WDR33: variants seen among roughly 807,000 people sequenced by gnomAD.
WDR33 encodes the protein pre-mRNA 3' end processing protein WDR33.
Under a neutral mutation model 164.9 loss-of-function variants are expected in WDR33, and 47 were observed. The observed-to-expected ratio is 0.29, with a 90% CI of 0.23 to 0.36. WDR33 has a LOEUF of 0.36. WDR33 is among the 10% of genes least tolerant of loss of function. The probability of loss-of-function intolerance (pLI) is 1.00; values close to 1 mark genes in which losing one functional copy is unlikely to be tolerated. For synonymous variants in WDR33, 505 were observed against 589.0 expected, an observed-to-expected ratio of 0.86 and a Z score of 2.06; for missense variants, 1,137 against 1,754.1, an observed-to-expected ratio of 0.65 and a Z score of 6.28.
intron 7 of WDR33, among the ~76,000 whole-genome samples, chr2:127,748,884 TAAAAAA>T (rs59425653): frequency 5.2e-4 from 55 of 104,988 alleles, no homozygotes; most frequent in Middle Eastern, 5.4e-3. Context: ...AGCTGAAACT[TAAAAAA>T]AAAAAAAAAA....
chr2:127,798,885 T>C (rs1360116199), intron 1 of WDR33: 1 of 152,002 alleles, frequency 6.6e-6, no homozygotes, highest in African/African-American at 2.4e-5. Context: ...CTAAAGCTTA[T>C]AGCTTTCTTT....
At chr2:127,768,477 AG>A (rs1687891151) in intron 3 of WDR33, among the ~76,000 whole-genome samples, 184 bp from the exon 4 acceptor site, 1 of 152,222 alleles carries the variant, frequency 6.6e-6, no homozygotes, top group South Asian at 2.1e-4. Flanking sequence ...AGTGAGATAC[AG>A]GAAAGTTAAA....
intron 7 of WDR33, among the ~76,000 whole-genome samples, chr2:127,760,231 A>G (rs563103109): frequency 7.4e-4 from 112 of 152,334 alleles, no homozygotes; most frequent in African/African-American, 1.9e-3. Flanking sequence ...TGACTGTATG[A>G]TCACAAACTC....
rs1687011647 is a variant in WDR33 at position 127,741,406 on chromosome 2, G to A, written c.725-14629C>T. On this transcript the variant is annotated intron_variant, in intron 7 of 21. Transcript: ENST00000322313. The surrounding 1 kb of genome is among the most constrained non-coding windows in gnomAD (Gnocchi z 4.1). ...ATAAACTTAAGCACTCCACCTCAGAGTACAAACCACAACCCACTTACTTGA... is the reference window on the plus strand; with the variant it reads ...ATAAACTTAAGCACTCCACCTCAGAATACAAACCACAACCCACTTACTTGA... Among the ~76,000 whole-genome samples, 3 of 152,168 alleles carry A rather than the reference G, an allele frequency of 2.0e-5. No homozygotes were observed. The highest frequency in any genetic ancestry group is 2.9e-5 in the Non-Finnish European group (2 of 68,028).
At chr2:127,790,610 AATTTT>A (rs1199203533) in intron 1 of WDR33, among the ~76,000 whole-genome samples, 2 of 152,128 alleles carry the variant, frequency 1.3e-5, no homozygotes, top group East Asian at 1.9e-4. Flanking sequence ...CTATGAATTC[AATTTT>A]ATTTTATTTT....
intron 1 of WDR33, among the ~76,000 whole-genome samples, chr2:127,788,239 CA>C (rs1425969408): frequency 2.5e-5 from 3 of 122,372 alleles, no homozygotes; most frequent in African/African-American, 6.6e-5. Flanking sequence ...GCTGGCCAGG[CA>C]GGGGGCTGAC....
In WDR33 at chr2:127,735,005, C is replaced by A. The variant is rs1262762679; in HGVS notation, c.725-8228G>T. Among the ~76,000 whole-genome samples the A allele has an allele frequency of 1.3e-5, 2 of 152,074 alleles. No homozygotes were observed. ...AGACTCCTTAATAAACCTTAAAATT[C>A]TAAGAATAACATGATAAATGGATTA... On this transcript the variant is annotated intron_variant, in intron 7 of 21. Transcript: ENST00000322313. This position sits in a 1 kb window ranked among gnomAD's most constrained non-coding sequence, Gnocchi z 4.3.
At chr2:127,739,021 A>C (rs1046332968) in intron 7 of WDR33, among the ~76,000 whole-genome samples, 1 of 152,236 alleles carries the variant, frequency 6.6e-6, no homozygotes, top group African/African-American at 2.4e-5. Flanking sequence ...CCTCAGAAAA[A>C]AGATCTTACC....
chr2:127,808,550 T>C (rs948854760), intron 1 of WDR33, among the ~76,000 whole-genome samples: 1 of 152,214 alleles, frequency 6.6e-6, no homozygotes, highest in Non-Finnish European at 1.5e-5. Context: ...AGCTTCAGTC[T>C]CTAGGACTAA....
At position 127,763,939 on chromosome 2, in the gene WDR33, G is replaced by A; in HGVS notation, c.627-780C>T. On this transcript the variant is annotated intron_variant, in intron 6 of 21. Coordinates refer to ENST00000322313, the MANE Select transcript of WDR33 (RefSeq NM_018383.5). The surrounding 1 kb of genome is among the most constrained non-coding windows in gnomAD (Gnocchi z 4.5). ...GGCAAAATCTACAAAGCAGAAGCAT[G>A]TTCATCCAACAATTTCTGTTAAGAT... 3.0e-6 allele frequency: 3 copies of A among 985,792 alleles called. No homozygotes were observed. The highest frequency in any genetic ancestry group is 3.6e-6 in the Non-Finnish European group (3 of 830,244). The allele number at this position is 985,792 out of a possible 1,614,324, so 61.1% of individuals were successfully genotyped here. A position where few individuals can be genotyped will look rare whatever the true frequency, so the allele number is the denominator to read the frequency against.
chr2:127,717,371 T>C lies in WDR33; in HGVS notation c.2761-108A>G. On this transcript the variant is annotated intron_variant, in intron 16 of 21. Transcript: ENST00000322313. The surrounding 1 kb of genome is among the most constrained non-coding windows in gnomAD (Gnocchi z 5.6). ...TAAAAATACCCAGTAAATATTTACCTAGTAAGATTACAGTAACATTGTCCT... is the reference window on the plus strand; with the variant it reads ...TAAAAATACCCAGTAAATATTTACCCAGTAAGATTACAGTAACATTGTCCT... The C allele has an allele frequency of 1.2e-6, 1 of 866,694 alleles. No individual in the cohort carries two copies. Among genetic ancestry groups the C allele is most frequent in the African/African-American group, 1.8e-5 (1 of 56,526 alleles). The allele number at this position is 866,694 out of a possible 1,614,324, so 53.7% of individuals were successfully genotyped here. A position where few individuals can be genotyped will look rare whatever the true frequency, so the allele number is the denominator to read the frequency against.
Position 127,719,433 on chromosome 2 carries a change from C to A in WDR33, c.2592G>T (p.Pro864=). 6.4e-7 allele frequency: 1 copy of A among 1,562,136 alleles called. No homozygotes were observed. ...GPPGSQSQQG[P]PQGSLGPPPQ... ...GTGGAGGTCCTAAAGAGCCCTGGGG[C>A]GGCCCCTGCTGACTTTGTGAGCCTG... The change falls in exon 16 of 22, where the codon CCG becomes CCT. Residue 864 remains proline, a synonymous_variant. Coordinates refer to ENST00000322313, the MANE Select transcript of WDR33 (RefSeq NM_018383.5). The surrounding 1 kb of genome is among the most constrained non-coding windows in gnomAD (Gnocchi z 6.5).
chr2:127,775,565 C>T (rs572114220), intron 1 of WDR33, among the ~76,000 whole-genome samples: 1 of 152,200 alleles, frequency 6.6e-6, no homozygotes, highest in South Asian at 2.1e-4. Flanking sequence ...GTGGAGAGTA[C>T]CTGGATACAA....
chr2:127,768,243 T>C lies in WDR33; in HGVS notation c.324A>G (p.Thr108=). The C allele has an allele frequency of 1.3e-6, 2 of 1,583,022 alleles. No individual in the cohort carries two copies. The highest frequency in any genetic ancestry group is 1.7e-6 in the Non-Finnish European group (2 of 1,161,960). Residue 108 remains threonine, a synonymous_variant, in exon 4 of 22, where the codon ACA becomes ACG. Coordinates refer to ENST00000322313, the MANE Select transcript of WDR33 (RefSeq NM_018383.5). ...MLNNPMNAVT[T]KFVRTSTNKV... ...TATTTGTTGATGTCCGAACAAATTT[T>C]GTTGTTACTGCATTCATAGGATTAT...
At chr2:127,804,013 TAA>T (rs1689346448) in intron 1 of WDR33, among the ~76,000 whole-genome samples, 1 of 149,362 alleles carries the variant, frequency 6.7e-6, no homozygotes, top group Admixed American at 6.7e-5. Flanking sequence ...GCTTAAAGAC[TAA>T]AGAGATACGA....
intron 1 of WDR33, among the ~76,000 whole-genome samples, chr2:127,785,201 A>C (rs1162225184): frequency 2.0e-5 from 3 of 152,158 alleles, no homozygotes; most frequent in African/African-American, 7.2e-5. Flanking sequence ...AGCAAAATTG[A>C]ACAGAAAGTA....
At chr2:127,781,014 C>G (rs1688351158) in intron 1 of WDR33, among the ~76,000 whole-genome samples, 1 of 152,070 alleles carries the variant, frequency 6.6e-6, no homozygotes, top group Non-Finnish European at 1.5e-5. Flanking sequence ...GCGTGCCCCA[C>G]CACACCCGGC....
chr2:127,706,587 T>C lies in WDR33; in HGVS notation c.3782-35A>G. 6.4e-7 allele frequency: 1 copy of C among 1,567,540 alleles called. No individual in the cohort carries two copies. On this transcript the variant is annotated intron_variant, in intron 21 of 21. Transcript: ENST00000322313. The surrounding 1 kb of genome is among the most constrained non-coding windows in gnomAD (Gnocchi z 5.1). ...AGAAAATTTCACATGGGACTTTTTG[T>C]ATTAGCAACTGTTTGTCAGTAACTC...
rs1012577044 is a variant in WDR33, at chr2:127,737,387, A to C, written c.725-10610T>G. 4.1e-5 allele frequency: 40 copies of C among 985,540 alleles called. No homozygotes were observed. In the African/African-American group the frequency reaches 6.4e-4, roughly 16 times the overall value. 61.0% of individuals were successfully genotyped at this position (985,540 alleles called of 1,614,324 possible). On this transcript the variant is annotated intron_variant, in intron 7 of 21. Coordinates refer to ENST00000322313, the MANE Select transcript of WDR33 (RefSeq NM_018383.5). ...TATGTGTGTGTGTATGTTCGGGCAC[A>C]TGTTATTCAACAGTCACAGGTTCTC...
Sources: gnomAD v4.1 joint callset for allele counts (sites outside exome capture counted in the v4.1 genomes callset) on GRCh38, gnomAD v4.1.1 for gene constraint, Gnocchi (gnomAD v3.1) non-coding constraint, MANE v1.5 for transcripts, NCBI Gene and HGNC (gene_info 2026-07-23, HGNC 2026-07-21) for gene names.